The following MNAT1 variants were observed in gnomAD, a reference collection of about 807,000 sequenced individuals.
The protein encoded by MNAT1 is CDK-activating kinase assembly factor MAT1.
In MNAT1, 43 loss-of-function variants were observed where a neutral mutation model predicts 42.0. The ratio of observed to expected loss-of-function variants is 1.02; its 90% CI spans 0.80 to 1.32. The LOEUF (loss-of-function observed/expected upper bound fraction) is 1.32, where lower values mean the gene tolerates loss of function less well. Ranked by LOEUF, MNAT1 falls within the 40% of genes most tolerant of loss-of-function variation. The probability of loss-of-function intolerance (pLI) is 0.00; values close to 1 mark genes in which losing one functional copy is unlikely to be tolerated. For missense variants in MNAT1, 306 were observed against 350.4 expected (o/e 0.87, Z 1.01); for synonymous variants, 118 against 120.0 (o/e 0.98, Z 0.11).
At chr14:60,965,324 T>G (rs1414486652) in intron 7 of MNAT1, among the ~76,000 whole-genome samples, 1 of 152,228 alleles carries the variant, frequency 6.6e-6, no homozygotes, top group Non-Finnish European at 1.5e-5. Flanking sequence ...TAAAACTTTT[T>G]TTACACATTT....
chr14:60,879,473 T>A (rs2034501609), intron 6 of MNAT1, among the ~76,000 whole-genome samples: 1 of 152,194 alleles, frequency 6.6e-6, no homozygotes, highest in African/African-American at 2.4e-5. Context: ...CTATACTGTT[T>A]AACGCTAAAT....
chr14:60,759,685 T>C (rs2030514849), intron 1 of MNAT1, among the ~76,000 whole-genome samples: 1 of 152,202 alleles, frequency 6.6e-6, no homozygotes, highest in Non-Finnish European at 1.5e-5. Flanking sequence ...GTTTAAAAAG[T>C]AACTTTCTAC....
chr14:60,843,139 T>G (rs1393568798), intron 6 of MNAT1, among the ~76,000 whole-genome samples: 1 of 152,216 alleles, frequency 6.6e-6, no homozygotes, highest in Non-Finnish European at 1.5e-5. Flanking sequence ...CCTAGCACTT[T>G]CAGTCATATT....
chr14:60,884,350 AT>A (rs1268677945), intron 7 of MNAT1, among the ~76,000 whole-genome samples: 1 of 152,116 alleles, frequency 6.6e-6, no homozygotes, highest in East Asian at 1.9e-4. Flanking sequence ...CTCTGTTGAT[AT>A]GATATATCAT....
Position 60,740,416 on chromosome 14 carries a change from C to T in MNAT1, c.89+5465C>T, listed in dbSNP as rs949297184. Among the ~76,000 whole-genome samples, 3 of 151,640 alleles carry T rather than the reference C, an allele frequency of 2.0e-5. No homozygotes were observed. Among genetic ancestry groups the T allele is most frequent in the Non-Finnish European group, 2.9e-5 (2 of 67,960 alleles). ...ACTGGATAGTTTATCCTGAAGAGTC[C>T]GAATTTTGCTTATTGCATCTCTGTG... On this transcript the variant is annotated intron_variant, in intron 1 of 7. Transcript: ENST00000261245. This position sits in a 1 kb window ranked among gnomAD's most constrained non-coding sequence, Gnocchi z 4.1.
intron 1 of MNAT1, among the ~76,000 whole-genome samples, chr14:60,789,171 C>T (rs952502717): frequency 6.6e-6 from 1 of 151,982 alleles, no homozygotes; most frequent in Admixed American, 6.6e-5. Context: ...ATTGTTGTGT[C>T]TCAAGGAATG....
chr14:60,796,410 C>T (rs2032020933), intron 2 of MNAT1, 41 bp downstream of exon 2: 1 of 1,565,628 alleles, frequency 6.4e-7, no homozygotes, highest in Non-Finnish European at 8.7e-7. Context: ...ACAAAGAGGA[C>T]TTTAACAATT....
intron 5 of MNAT1, among the ~76,000 whole-genome samples, chr14:60,814,637 A>G (rs534320489): frequency 6.6e-6 from 1 of 152,340 alleles, no homozygotes; most frequent in African/African-American, 2.4e-5. Context: ...GAGTAAAAAA[A>G]GAGAAAGCAA....
chr14:60,875,468 A>G (rs2034415982), intron 6 of MNAT1, among the ~76,000 whole-genome samples: 2 of 152,132 alleles, frequency 1.3e-5, no homozygotes, highest in Non-Finnish European at 2.9e-5. Context: ...TAACTACAGT[A>G]TGATCTTGCT....
At chr14:60,788,753 TTTC>T (rs2031729345) in intron 1 of MNAT1, among the ~76,000 whole-genome samples, 1 of 152,208 alleles carries the variant, frequency 6.6e-6, no homozygotes, top group Non-Finnish European at 1.5e-5. Context: ...GCTTCAGACT[TTTC>T]TTCTGCAACT....
chr14:60,890,429 G>C (rs563619425), intron 7 of MNAT1, among the ~76,000 whole-genome samples: 2 of 152,230 alleles, frequency 1.3e-5, no homozygotes, highest in East Asian at 1.9e-4. Context: ...GTTCTCTAGA[G>C]GGACAGAACT....
rs35825181 is a variant in MNAT1, at chr14:60,903,865, G to GTTTT, written c.809+24048_809+24051dup. On this transcript the variant is annotated intron_variant, in intron 7 of 7. Transcript: ENST00000261245. ...TTTGTTTTTGATGCTACCCATGTAA[G>GTTTT]TTTTTTTTTTTTTTTTTTTTTCTTT... 6.0e-4 allele frequency among the ~76,000 whole-genome samples: 70 copies of GTTTT among 115,710 alleles called. 1 individual carries two copies. The highest frequency in any genetic ancestry group is 7.9e-4 in the East Asian group (3 of 3,796). 75.9% of individuals were successfully genotyped at this position (115,710 alleles called of 152,430 possible).
chr14:60,807,989 TATATTAAAAAA>T (rs1412266210), intron 3 of MNAT1, among the ~76,000 whole-genome samples: 3 of 152,128 alleles, frequency 2.0e-5, no homozygotes, highest in African/African-American at 7.2e-5. Context: ...ACTTACTCTT[TATATTAAAAAA>T]ATTTAAACAA....
intron 6 of MNAT1, among the ~76,000 whole-genome samples, chr14:60,826,316 T>C (rs1986118): frequency 0.82 from 100,850 of 122,560 alleles, 41,550 homozygotes; most frequent in Middle Eastern, 0.89. Context: ...AATTTTTTTT[T>C]TTTTTTTTTT....
chr14:60,900,455 C>A (rs1173235268), intron 7 of MNAT1, among the ~76,000 whole-genome samples: 1 of 152,278 alleles, frequency 6.6e-6, no homozygotes, highest in South Asian at 2.1e-4. Flanking sequence ...CAAAGCCTAA[C>A]TTTCTTTAAT....
intron 1 of MNAT1, among the ~76,000 whole-genome samples, chr14:60,757,565 A>C (rs1482824019): frequency 6.6e-6 from 1 of 152,214 alleles, no homozygotes; most frequent in Non-Finnish European, 1.5e-5. Context: ...CTTTAGGGCA[A>C]GATTTCCTAG....
rs4151395 is a variant in MNAT1, at chr14:60,961,014, G to C, written c.810-7215G>C. Among the ~76,000 whole-genome samples, 510 of 151,986 alleles carry C rather than the reference G, an allele frequency of 3.4e-3. 4 individuals are homozygous for C. Among genetic ancestry groups the C allele is most frequent in the African/African-American group, 0.011 (476 of 41,424 alleles). On this transcript the variant is annotated intron_variant, in intron 7 of 7. Coordinates refer to ENST00000261245, the MANE Select transcript of MNAT1 (RefSeq NM_002431.4). ...TGTTGCTCTTGTTGCCCAGGCTGGA[G>C]TGCAATGGTGCGATCTCAGCTCACC...
intron 7 of MNAT1, among the ~76,000 whole-genome samples, chr14:60,967,579 A>G (rs978407234): frequency 6.6e-5 from 10 of 152,274 alleles, no homozygotes; most frequent in Admixed American, 6.5e-4. Flanking sequence ...GTGGTTGCAG[A>G]AAAAAATTGT....
chr14:60,842,009 C>T (rs888308373), intron 6 of MNAT1, among the ~76,000 whole-genome samples: 11 of 152,174 alleles, frequency 7.2e-5, no homozygotes, highest in African/African-American at 2.7e-4. Flanking sequence ...TCATGTGCAG[C>T]TCAAAACCCA....
Sources: gnomAD v4.1 joint callset for allele counts (sites outside exome capture counted in the v4.1 genomes callset) on GRCh38, gnomAD v4.1.1 for gene constraint, Gnocchi (gnomAD v3.1) non-coding constraint, MANE v1.5 for transcripts, NCBI Gene and HGNC (gene_info 2026-07-23, HGNC 2026-07-21) for gene names.